The following MICAL3 variants were observed in gnomAD, a reference collection of about 807,000 sequenced individuals.
The protein encoded by MICAL3 is microtubule associated monooxygenase, calponin and LIM domain containing 3.
In MICAL3, 62 loss-of-function variants were observed where a neutral mutation model predicts 207.4. That is an observed-to-expected ratio of 0.30 (90% CI 0.24 to 0.37). The LOEUF (loss-of-function observed/expected upper bound fraction) is 0.37. Among genes scored for constraint, MICAL3 ranks in the 10% least tolerant of loss-of-function variants. The probability of loss-of-function intolerance (pLI) is 1.00; values close to 1 mark genes in which losing one functional copy is unlikely to be tolerated. For missense variants in MICAL3, 2,368 were observed against 2,635.6 expected (o/e 0.90, Z 2.22); for synonymous variants, 1,077 against 1,069.3 (o/e 1.01, Z -0.14).
chr22:17,832,890 C>T (rs1402214667), intron 20 of MICAL3, among the ~76,000 whole-genome samples: 2 of 152,166 alleles, frequency 1.3e-5, no homozygotes, highest in East Asian at 3.8e-4. Flanking sequence ...TGGGGACACA[C>T]AGGGAAATGA....
At chr22:17,803,555 G>C (rs1014519823) in intron 29 of MICAL3, 1 of 152,050 alleles carries the variant, frequency 6.6e-6, no homozygotes, top group Admixed American at 6.6e-5. Flanking sequence ...TGGTGGAGTC[G>C]GGTGGGCAAA....
intron 19 of MICAL3, 153 bp downstream of exon 19, chr22:17,864,746 G>C: frequency 1.2e-6 from 2 of 1,613,882 alleles, no homozygotes; most frequent in Non-Finnish European, 1.7e-6. Flanking sequence ...AACGCAAGCA[G>C]CTGGCACATG....
intron 1 of MICAL3, among the ~76,000 whole-genome samples, chr22:17,966,859 C>A (rs1602309687): frequency 6.7e-6 from 1 of 148,724 alleles, no homozygotes; most frequent in South Asian, 2.1e-4. Flanking sequence ...AATTAATTGA[C>A]AGAAAATTAT....
chr22:18,001,071 C>T lies in MICAL3; in HGVS notation c.-75+23210G>A, dbSNP rs572034940. 4 of 152,344 alleles carry T rather than the reference C, an allele frequency of 2.6e-5. No homozygotes were observed. In the South Asian group the frequency reaches 8.3e-4, roughly 32 times the overall value. The allele number at this position is 152,344 out of a possible 1,614,324, so 9.4% of individuals were successfully genotyped here. On this transcript the variant is annotated intron_variant, in intron 1 of 31. Coordinates refer to ENST00000441493, the MANE Select transcript of MICAL3 (RefSeq NM_015241.3). Reference sequence around the variant, plus strand: ...TCCCCGCGCCTGCTGCCCCGGAACTCAGGACCAGCCGGCGCACCTGGCCAC... The same window carrying T: ...TCCCCGCGCCTGCTGCCCCGGAACTTAGGACCAGCCGGCGCACCTGGCCAC...
intron 11 of MICAL3, among the ~76,000 whole-genome samples, chr22:17,892,807 T>G (rs1930492836): frequency 6.6e-6 from 1 of 152,192 alleles, no homozygotes; most frequent in African/African-American, 2.4e-5. Context: ...ATTCACAATG[T>G]CCAAATGACT....
At chr22:17,957,945 A>G (rs963266354) in intron 1 of MICAL3, among the ~76,000 whole-genome samples, 3 of 152,126 alleles carry the variant, frequency 2.0e-5, no homozygotes, top group African/African-American at 7.2e-5. Flanking sequence ...GCTACTGAGA[A>G]AAGAGCAGAG....
chr22:17,959,010 GTTTTTTTTTT>G (rs34107784), intron 1 of MICAL3, among the ~76,000 whole-genome samples: 2 of 85,850 alleles, frequency 2.3e-5, no homozygotes, highest in Non-Finnish European at 4.1e-5. Flanking sequence ...CGGGCCTGGG[GTTTTTTTTTT>G]TTTTTTTTTT....
intron 11 of MICAL3, among the ~76,000 whole-genome samples, chr22:17,892,791 C>T (rs568279036): frequency 1.3e-5 from 2 of 152,336 alleles, no homozygotes; most frequent in East Asian, 1.9e-4. Context: ...CCCAATGGCA[C>T]GTCAAATTCA....
In MICAL3 at chr22:17,790,936, T is replaced by A; in HGVS notation, c.5825-20A>T. On this transcript the variant is annotated intron_variant, in intron 31 of 31. Transcript: ENST00000441493. ...GGTGATCTTGAAGGAGAAGAAGGCATGAGGTGAGGGGCCTGGAGGTGGCAC... is the reference window on the plus strand; with the variant it reads ...GGTGATCTTGAAGGAGAAGAAGGCAAGAGGTGAGGGGCCTGGAGGTGGCAC... 1.2e-6 allele frequency: 2 copies of A among 1,613,426 alleles called. No homozygotes were observed. The highest frequency in any genetic ancestry group is 1.7e-6 in the Non-Finnish European group (2 of 1,179,838).
intron 22 of MICAL3, 101 bp from the exon 23 acceptor site, chr22:17,823,161 C>T: frequency 1.3e-6 from 1 of 770,708 alleles, no homozygotes; most frequent in Non-Finnish European, 2.2e-6. Context: ...AGGGCGCTGC[C>T]ATGCAGGCCC....
chr22:17,834,970 A>G (rs1923209887), intron 20 of MICAL3, among the ~76,000 whole-genome samples: 1 of 152,188 alleles, frequency 6.6e-6, no homozygotes, highest in Non-Finnish European at 1.5e-5. Context: ...GGGCCTGTGC[A>G]AGGCTGCCCA....
intron 16 of MICAL3, chr22:17,872,769 G>A (rs112405971): frequency 6.2e-7 from 1 of 1,612,832 alleles, no homozygotes; most frequent in Non-Finnish European, 8.5e-7. Flanking sequence ...GTCTAGAAGG[G>A]CTTTGGGTTG....
intron 1 of MICAL3, among the ~76,000 whole-genome samples, chr22:17,924,180 G>A (rs5992131): frequency 5.1e-4 from 77 of 152,302 alleles, no homozygotes; most frequent in African/African-American, 1.8e-3. Flanking sequence ...TGAGATTTGG[G>A]TGGGTACACA....
intron 1 of MICAL3, chr22:18,006,210 A>G (rs1178904955): frequency 2.0e-5 from 3 of 152,232 alleles, no homozygotes; most frequent in East Asian, 1.9e-4. Context: ...GGATCCGCAC[A>G]TGAAGTGTGT....
intron 19 of MICAL3, among the ~76,000 whole-genome samples, chr22:17,857,737 C>T (rs952257842): frequency 6.6e-6 from 1 of 152,238 alleles, no homozygotes; most frequent in Non-Finnish European, 1.5e-5. Flanking sequence ...GGAGCTGGGG[C>T]CCTAGATTCC....
In MICAL3 at chr22:17,854,984, C is replaced by T. The variant is rs562116160; in HGVS notation, c.2605+9915G>A. On this transcript the variant is annotated intron_variant, in intron 19 of 31. Coordinates refer to ENST00000441493, the MANE Select transcript of MICAL3 (RefSeq NM_015241.3). Reference sequence around the variant, plus strand: ...TACCTTTGTGCTGTGTTCTCAACTCCTCTTTTTCCCCATTTTCCAGAAACC... The same window carrying T: ...TACCTTTGTGCTGTGTTCTCAACTCTTCTTTTTCCCCATTTTCCAGAAACC... 1.5e-4 allele frequency among the ~76,000 whole-genome samples: 23 copies of T among 152,344 alleles called. No homozygotes were observed. In the East Asian group the frequency reaches 2.9e-3, roughly 19 times the overall value.
At chr22:17,846,333 C>T (rs571583457) in intron 19 of MICAL3, among the ~76,000 whole-genome samples, 1 of 152,244 alleles carries the variant, frequency 6.6e-6, no homozygotes, top group African/African-American at 2.4e-5. Context: ...GGACCCCAAA[C>T]TCACCAACTG....
rs1569077038 is a variant in MICAL3 at position 17,816,789 on chromosome 22, GGA to G, written c.5351-7_5351-6del. The G allele has an allele frequency of 1.3e-6, 2 of 1,548,180 alleles. No homozygotes were observed. The highest frequency in any genetic ancestry group is 1.7e-6 in the Non-Finnish European group (2 of 1,145,756). The stretch of plus-strand genomic sequence containing the variant: ...GCTGGCGCCGGAGCTGCAGCTCTGT[GGA>G]GAGAGGGAGGCCACGTGAGGACAGC... On this transcript the variant is annotated splice_polypyrimidine_tract_variant and splice_region_variant and intron_variant, in intron 26 of 31. Coordinates refer to ENST00000441493, the MANE Select transcript of MICAL3 (RefSeq NM_015241.3).
intron 20 of MICAL3, among the ~76,000 whole-genome samples, chr22:17,835,975 C>T (rs1372621470): frequency 6.6e-6 from 1 of 152,220 alleles, no homozygotes; most frequent in Non-Finnish European, 1.5e-5. Context: ...CCCGACTGTC[C>T]CCCGGTAAAG....
Sources: gnomAD v4.1 joint callset for allele counts (sites outside exome capture counted in the v4.1 genomes callset) on GRCh38, gnomAD v4.1.1 for gene constraint, MANE v1.5 for transcripts, NCBI Gene and HGNC (gene_info 2026-07-23, HGNC 2026-07-21) for gene names.